GPR158: variants seen among roughly 807,000 people sequenced by gnomAD.
GPR158 encodes the protein G protein-coupled receptor 158.
GPR158 carries 30 observed loss-of-function variants against 78.2 expected under a neutral mutation model. The ratio of observed to expected loss-of-function variants is 0.38; its 90% CI spans 0.29 to 0.52. The LOEUF is 0.52. Among genes scored for constraint, GPR158 ranks in the 20% least tolerant of loss-of-function variants. GPR158 has a pLI of 0.83. For missense variants in GPR158, 1,463 were observed against 1,523.5 expected (o/e 0.96, Z 0.66); for synonymous variants, 581 against 591.1 (o/e 0.98, Z 0.25).
chr10:25,303,146 G>A (rs542075570), intron 2 of GPR158, among the ~76,000 whole-genome samples: 8 of 152,264 alleles, frequency 5.3e-5, no homozygotes, highest in East Asian at 1.9e-4. Context: ...AACTCTTGGC[G>A]TGTTAATTGC....
At chr10:25,328,534 G>T (rs1033305132) in intron 2 of GPR158, among the ~76,000 whole-genome samples, 1 of 152,032 alleles carries the variant, frequency 6.6e-6, no homozygotes, top group African/African-American at 2.4e-5. Flanking sequence ...AATTCCTAAA[G>T]AACATATTCA....
In GPR158 at chr10:25,428,946, C is replaced by T. The variant is rs575826438; in HGVS notation, c.1335+16473C>T. Among the ~76,000 whole-genome samples, 23 of 152,072 alleles carry T rather than the reference C, an allele frequency of 1.5e-4. No individual in the cohort carries two copies. In the South Asian group the frequency reaches 3.5e-3, roughly 23 times the overall value. On this transcript the variant is annotated intron_variant, in intron 4 of 10. Coordinates refer to ENST00000376351, the MANE Select transcript of GPR158 (RefSeq NM_020752.3). ...GAATTAATTTCCAAATTATCTTCTT[C>T]GGAGCCTGTGAAATATGCGTAGGGC...
At chr10:25,583,491 T>C (rs75429401) in intron 7 of GPR158, among the ~76,000 whole-genome samples, 10,189 of 152,202 alleles carry the variant, frequency 0.067, 453 homozygotes, top group South Asian at 0.19. Flanking sequence ...TAAATACTTA[T>C]TTATATTCAA....
intron 2 of GPR158, among the ~76,000 whole-genome samples, chr10:25,260,345 G>T (rs920682824): frequency 6.6e-6 from 1 of 151,968 alleles, no homozygotes; most frequent in African/African-American, 2.4e-5. Flanking sequence ...TTTCATCTCC[G>T]GAAATCTTTT....
intron 2 of GPR158, among the ~76,000 whole-genome samples, chr10:25,365,075 T>G (rs1855698932): frequency 6.6e-6 from 1 of 151,758 alleles, no homozygotes; most frequent in Non-Finnish European, 1.5e-5. Flanking sequence ...ATTTAAAATT[T>G]TTTCCTATTT....
chr10:25,282,440 C>A (rs1186208493), intron 2 of GPR158, among the ~76,000 whole-genome samples: 1 of 152,094 alleles, frequency 6.6e-6, no homozygotes, highest in Non-Finnish European at 1.5e-5. Flanking sequence ...TATAAATATT[C>A]ATGTACAGGT....
At chr10:25,390,450 T>G (rs1834278829) in intron 2 of GPR158, among the ~76,000 whole-genome samples, 1 of 152,226 alleles carries the variant, frequency 6.6e-6, no homozygotes, top group Non-Finnish European at 1.5e-5. Context: ...TTTTGGGAAC[T>G]GGAGCAAAGG....
At chr10:25,463,025 C>T (rs1456237379) in intron 4 of GPR158, among the ~76,000 whole-genome samples, 2 of 152,112 alleles carry the variant, frequency 1.3e-5, no homozygotes, top group Admixed American at 6.5e-5. Context: ...AAGGAAGAGT[C>T]GACTGGTACA....
intron 2 of GPR158, among the ~76,000 whole-genome samples, chr10:25,292,878 G>A (rs1051854914): frequency 1.3e-5 from 2 of 152,066 alleles, no homozygotes; most frequent in African/African-American, 2.4e-5. Context: ...AAATCTATAT[G>A]GTTCATTAAG....
intron 5 of GPR158, among the ~76,000 whole-genome samples, chr10:25,472,150 G>T (rs1835515437): frequency 6.6e-6 from 1 of 152,210 alleles, no homozygotes; most frequent in East Asian, 1.9e-4. Context: ...TAAGGTGTAA[G>T]GAAGGGATCC....
intron 6 of GPR158, among the ~76,000 whole-genome samples, chr10:25,566,357 G>A (rs1029427628): frequency 5.9e-5 from 9 of 152,152 alleles, no homozygotes; most frequent in Middle Eastern, 3.4e-3. Context: ...TATTCATCCC[G>A]GACCGAAGTA....
intron 5 of GPR158, among the ~76,000 whole-genome samples, chr10:25,495,220 T>C (rs764838614): frequency 1.1e-4 from 16 of 151,524 alleles, no homozygotes; most frequent in Non-Finnish European, 1.8e-4. Flanking sequence ...TTTATTGACT[T>C]AACAGGTAAA....
At chr10:25,303,298 A>G (rs1181535096) in intron 2 of GPR158, among the ~76,000 whole-genome samples, 4 of 152,350 alleles carry the variant, frequency 2.6e-5, no homozygotes, top group Non-Finnish European at 5.9e-5. Context: ...GCTTTTGGCT[A>G]CTGTATTGGA....
intron 2 of GPR158, among the ~76,000 whole-genome samples, chr10:25,394,440 A>C (rs770844944): frequency 1.4e-4 from 22 of 152,230 alleles, no homozygotes; most frequent in Non-Finnish European, 2.9e-4. Flanking sequence ...TTATTTACAT[A>C]GTTTAGAAAT....
At chr10:25,346,917 G>T (rs1031788631) in intron 2 of GPR158, among the ~76,000 whole-genome samples, 3 of 151,894 alleles carry the variant, frequency 2.0e-5, no homozygotes, top group Admixed American at 2.0e-4. Flanking sequence ...TCAAAACCTG[G>T]CTTGATTTTT....
intron 1 of GPR158, among the ~76,000 whole-genome samples, chr10:25,208,222 A>G (rs146926824): frequency 2.6e-5 from 4 of 152,214 alleles, no homozygotes; most frequent in Non-Finnish European, 5.9e-5. Flanking sequence ...TATGCCAATA[A>G]TGATAATTTT....
intron 5 of GPR158, among the ~76,000 whole-genome samples, chr10:25,547,155 T>C (rs1836671216): frequency 6.6e-6 from 1 of 151,952 alleles, no homozygotes; most frequent in South Asian, 2.1e-4. Flanking sequence ...TGAACTTGGT[T>C]TTTCTTTTTT....
At chr10:25,412,191 C>A in intron 3 of GPR158, 59 bp from the exon 4 acceptor site, 2 of 1,157,608 alleles carry the variant, frequency 1.7e-6, no homozygotes, top group Non-Finnish European at 2.6e-6. Context: ...TGACTCTATA[C>A]TCAATCTTAC....
chr10:25,226,865 G>T (rs941982431), intron 2 of GPR158, among the ~76,000 whole-genome samples: 1 of 152,138 alleles, frequency 6.6e-6, no homozygotes, highest in South Asian at 2.1e-4. Context: ...TAAACAAAAT[G>T]TTTTTTGTAG....
Sources: gnomAD v4.1 joint callset for allele counts (sites outside exome capture counted in the v4.1 genomes callset) on GRCh38, gnomAD v4.1.1 for gene constraint, MANE v1.5 for transcripts, NCBI Gene and HGNC (gene_info 2026-07-23, HGNC 2026-07-21) for gene names.